The following STX7 variants were observed in gnomAD, a reference collection of about 807,000 sequenced individuals.
STX7 encodes the protein syntaxin 7, also known as syntaxin-7.
Under a neutral mutation model 39.6 loss-of-function variants are expected in STX7, and 34 were observed. The ratio of observed to expected loss-of-function variants is 0.86; its 90% CI spans 0.65 to 1.14. The LOEUF is 1.14. Among genes scored for constraint, STX7 ranks in the 50% most tolerant of loss-of-function variants. The probability of loss-of-function intolerance (pLI) is 0.00; values close to 1 mark genes in which losing one functional copy is unlikely to be tolerated. For synonymous variants in STX7, 119 were observed against 99.1 expected (o/e 1.20, Z -1.19); for missense variants, 284 against 310.4 (o/e 0.92, Z 0.64).
intron 2 of STX7, among the ~76,000 whole-genome samples, chr6:132,499,341 G>C (rs1169039364): frequency 3.9e-5 from 6 of 152,294 alleles, no homozygotes. Flanking sequence ...ATCCTGCTAA[G>C]ATGTTTTCAG....
rs545662884 is a variant in STX7, at chr6:132,484,008, G to A, written c.86-8346C>T. On this transcript the variant is annotated intron_variant, in intron 2 of 9. Coordinates refer to ENST00000367941, the MANE Select transcript of STX7 (RefSeq NM_003569.3). ...AAGAAAAAAACTCATGAAACAAGCCGCAGTCTTTCCAACCATAAAAAGAAT... is the reference window on the plus strand; with the variant it reads ...AAGAAAAAAACTCATGAAACAAGCCACAGTCTTTCCAACCATAAAAAGAAT... Among the ~76,000 whole-genome samples, 7 of 152,084 alleles carry A rather than the reference G, an allele frequency of 4.6e-5. No individual in the cohort carries two copies. The South Asian group carries it at 8.3e-4, about 18-fold the overall frequency.
intron 2 of STX7, among the ~76,000 whole-genome samples, chr6:132,489,969 A>G (rs574181625): frequency 1.3e-5 from 2 of 152,380 alleles, no homozygotes; most frequent in East Asian, 3.8e-4. Context: ...TATGTAAACA[A>G]TAATTTGGAC....
At chr6:132,479,471 G>C (rs997053364) in intron 2 of STX7, among the ~76,000 whole-genome samples, 3 of 152,166 alleles carry the variant, frequency 2.0e-5, no homozygotes, top group Non-Finnish European at 4.4e-5. Flanking sequence ...CTGAGCCCTG[G>C]ATAGAATAAA....
At chr6:132,503,385 C>G in intron 2 of STX7, 61 bp downstream of exon 2, 4 of 1,426,184 alleles carry the variant, frequency 2.8e-6, no homozygotes, top group Non-Finnish European at 4.0e-6. Flanking sequence ...TTTTATGAAC[C>G]TCCACCAAGT....
intron 2 of STX7, among the ~76,000 whole-genome samples, chr6:132,477,739 C>T (rs546962991): frequency 2.0e-5 from 3 of 152,044 alleles, no homozygotes; most frequent in South Asian, 4.2e-4. Context: ...AAAATGTGTA[C>T]ATATATCACA....
chr6:132,489,200 TAAAAAAAAAAAAAA>T (rs745673648), intron 2 of STX7, among the ~76,000 whole-genome samples: 5 of 83,192 alleles, frequency 6.0e-5, no homozygotes, highest in Non-Finnish European at 1.1e-4. Flanking sequence ...GACTCTGTCT[TAAAAAAAAAAAAAA>T]AAAAAAAAAA....
At chr6:132,461,978 A>G (rs1193611510) in intron 9 of STX7, 2 of 938,426 alleles carry the variant, frequency 2.1e-6, no homozygotes, top group African/African-American at 3.3e-5. Flanking sequence ...TAGTTTGAAT[A>G]TTCCACATAT....
rs1181968665 is a variant in STX7 at position 132,455,630 on chromosome 6, G to C, written c.*5128C>G. ...AAAACCTACGGGAATCCCACTCTAAGCAATTAAGTGACCAACCTCTTAAAA... is the reference window on the plus strand; with the variant it reads ...AAAACCTACGGGAATCCCACTCTAACCAATTAAGTGACCAACCTCTTAAAA... On this transcript the variant is annotated 3_prime_UTR_variant, in exon 10 of 10. Transcript: ENST00000367941. 6.6e-6 allele frequency: 1 copy of C among 152,128 alleles called. No individual in the cohort carries two copies. The highest frequency in any genetic ancestry group is 2.4e-5 in the African/African-American group (1 of 41,414). 9.4% of individuals were successfully genotyped at this position (152,128 alleles called of 1,614,324 possible). A position where few individuals can be genotyped will look rare whatever the true frequency, so the allele number is the denominator to read the frequency against.
At chr6:132,509,466 ACATAACATAAC>A (rs1775788366) in intron 1 of STX7, among the ~76,000 whole-genome samples, 1 of 10,988 alleles carries the variant, frequency 9.1e-5, no homozygotes, top group African/African-American at 1.3e-4. Context: ...ACATAACATA[ACATAACATAAC>A]ATAACATAAC....
At position 132,503,563 on chromosome 6, in the gene STX7, T is replaced by A; in HGVS notation, c.-33A>T. ...GTTCTTATTCGCTAATTTCATCAGA[T>A]GCTGTGCAGTTTTCTAAGCAGTCAC... On this transcript the variant is annotated 5_prime_UTR_variant, in exon 2 of 10. Transcript: ENST00000367941. The A allele has an allele frequency of 1.3e-6, 2 of 1,561,556 alleles. No homozygotes were observed. The highest frequency in any genetic ancestry group is 1.8e-6 in the Non-Finnish European group (2 of 1,133,132).
chr6:132,482,994 TGAAA>T (rs1250902237), intron 2 of STX7, among the ~76,000 whole-genome samples: 5 of 149,524 alleles, frequency 3.3e-5, no homozygotes, highest in Admixed American at 3.3e-4. Flanking sequence ...AAAAAGAAAA[TGAAA>T]GAAAGTCTAA....
At chr6:132,473,513 T>TGG in intron 3 of STX7, among the ~76,000 whole-genome samples, 1 of 119,692 alleles carries the variant, frequency 8.4e-6, no homozygotes, top group South Asian at 3.6e-4. Context: ...TTTTTTATTA[T>TGG]TGTGTTGTTT....
chr6:132,493,906 C>T (rs1775357366), intron 2 of STX7, among the ~76,000 whole-genome samples: 1 of 152,146 alleles, frequency 6.6e-6, no homozygotes, highest in Admixed American at 6.5e-5. Context: ...CACTACACAA[C>T]TAACCATGAA....
chr6:132,468,227 A>G (rs1334584321), intron 8 of STX7, among the ~76,000 whole-genome samples, 176 bp downstream of exon 8: 1 of 152,162 alleles, frequency 6.6e-6, no homozygotes, highest in Non-Finnish European at 1.5e-5. Context: ...GTTAAAAATG[A>G]GATCTGTTTT....
In STX7 at chr6:132,503,488, C is replaced by T; in HGVS notation, c.43G>A (p.Ala15Thr). ...TGGATGTTAGAAGAGATCCTCTGGG[C>T]CAACTGGGCGGGGTCACCACCAACT... Reference protein sequence around the residue: ...PGVGGDPAQLAQRISSNIQKI... With the variant: ...PGVGGDPAQLTQRISSNIQKI... The change falls in exon 2 of 10, where the codon GCC (alanine) becomes ACC (threonine). Residue 15 changes from alanine (A) to threonine (T), a missense_variant. By Grantham distance (58) the Ala-to-Thr change is moderately conservative. Transcript: ENST00000367941. 6.2e-7 allele frequency: 1 copy of T among 1,614,050 alleles called. No individual in the cohort carries two copies. Among genetic ancestry groups the T allele is most frequent in the Non-Finnish European group, 8.5e-7 (1 of 1,179,948 alleles).
chr6:132,501,062 C>CTTT (rs765134328), intron 2 of STX7, among the ~76,000 whole-genome samples: 7,716 of 143,622 alleles, frequency 0.054, 257 homozygotes, highest in East Asian at 0.15. Flanking sequence ...CAGTCCCTGT[C>CTTT]TTTTTTTTTT....
At chr6:132,494,673 A>T (rs1775378739) in intron 2 of STX7, among the ~76,000 whole-genome samples, 1 of 152,218 alleles carries the variant, frequency 6.6e-6, no homozygotes, top group Admixed American at 6.5e-5. Context: ...GTGGAGCAGC[A>T]GAGCAGCACC....
chr6:132,472,680 G>C (rs1463822071), intron 3 of STX7, among the ~76,000 whole-genome samples: 2 of 152,180 alleles, frequency 1.3e-5, no homozygotes, highest in African/African-American at 2.4e-5. Context: ...TTAGATGTCT[G>C]ATCCTTTATG....
At chr6:132,470,324 C>G (rs959449657) in intron 6 of STX7, among the ~76,000 whole-genome samples, 3 of 151,958 alleles carry the variant, frequency 2.0e-5, no homozygotes, top group Admixed American at 1.3e-4. Context: ...CTGATTTAAA[C>G]CTCATATAAG....
Sources: gnomAD v4.1 joint callset for allele counts (sites outside exome capture counted in the v4.1 genomes callset) on GRCh38, gnomAD v4.1.1 for gene constraint, MANE v1.5 for transcripts, NCBI Gene and HGNC (gene_info 2026-07-23, HGNC 2026-07-21) for gene names.